ADGRL4: variants seen among roughly 807,000 people sequenced by gnomAD.
ADGRL4 encodes the protein adhesion G protein-coupled receptor L4, also known as EGF, latrophilin and seven transmembrane domain containing 1.
A neutral mutation model predicts 74.8 loss-of-function variants in ADGRL4; 90 were observed. That is an observed-to-expected ratio of 1.20 (90% CI 1.02 to 1.43). The LOEUF is 1.43. Ranked by LOEUF, ADGRL4 falls within the 40% of genes most tolerant of loss-of-function variation. The probability of loss-of-function intolerance (pLI) is 0.00; values close to 1 mark genes in which losing one functional copy is unlikely to be tolerated. For missense variants in ADGRL4, 881 were observed against 814.3 expected (o/e 1.08, Z -1.00); for synonymous variants, 311 against 279.2 (o/e 1.11, Z -1.14).
chr1:78,900,238 T>C (rs1230313256), intron 12 of ADGRL4, among the ~76,000 whole-genome samples: 1 of 152,098 alleles, frequency 6.6e-6, no homozygotes, highest in Non-Finnish European at 1.5e-5. Context: ...GGAGCTCAAT[T>C]TGGCCAACAA....
rs1048849029 is a variant in ADGRL4 at position 78,984,704 on chromosome 1, T to C, written c.172+20366A>G. On this transcript the variant is annotated intron_variant, in intron 2 of 14. Transcript: ENST00000370742. ...CTTTCTTAAAAAACACACACACACA[T>C]ATTCAATAAAGAAATTTAGCTAGTT... 3.3e-5 allele frequency among the ~76,000 whole-genome samples: 5 copies of C among 151,798 alleles called. No homozygotes were observed. In the East Asian group the frequency reaches 9.7e-4, roughly 29 times the overall value.
chr1:78,914,383 A>G lies in ADGRL4; in HGVS notation c.1749+3251T>C, dbSNP rs531560621. Among the ~76,000 whole-genome samples the G allele has an allele frequency of 5.3e-5, 8 of 151,922 alleles. No homozygotes were observed. In the East Asian group the frequency reaches 5.8e-4, roughly 11 times the overall value. On this transcript the variant is annotated intron_variant, in intron 12 of 14. Coordinates refer to ENST00000370742, the MANE Select transcript of ADGRL4 (RefSeq NM_022159.4). ...TTTCTTATATTTTCTTTGTCTTTCT[A>G]TCATGTCCAGAGCACCCAATTAACA...
intron 12 of ADGRL4, among the ~76,000 whole-genome samples, chr1:78,908,664 C>T (rs529075052): frequency 2.0e-5 from 3 of 152,046 alleles, no homozygotes; most frequent in South Asian, 4.1e-4. Flanking sequence ...TTACCAACAT[C>T]CATAGTTCTT....
chr1:78,917,803 A>T, intron 11 of ADGRL4, 27 bp downstream of exon 11: 1 of 1,603,708 alleles, frequency 6.2e-7, no homozygotes, highest in South Asian at 1.1e-5. Context: ...TCGTATTTCA[A>T]ATGCTCATGA....
At chr1:78,921,276 C>T (rs1286472307) in intron 9 of ADGRL4, among the ~76,000 whole-genome samples, 1 of 150,922 alleles carries the variant, frequency 6.6e-6, no homozygotes, top group African/African-American at 2.4e-5. Flanking sequence ...AATAAACTGT[C>T]ATCACAAAAA....
intron 2 of ADGRL4, among the ~76,000 whole-genome samples, chr1:78,991,977 C>T: frequency 6.6e-6 from 1 of 151,994 alleles, no homozygotes; most frequent in East Asian, 1.9e-4. Flanking sequence ...AACACTCATA[C>T]AGTAAATTTT....
chr1:78,978,119 T>G (rs1650324558), intron 2 of ADGRL4, among the ~76,000 whole-genome samples: 1 of 151,956 alleles, frequency 6.6e-6, no homozygotes, highest in South Asian at 2.1e-4. Context: ...TGGCATCTAA[T>G]ATAATAGGAT....
chr1:78,915,015 A>G (rs1433945733), intron 12 of ADGRL4, among the ~76,000 whole-genome samples: 1 of 151,934 alleles, frequency 6.6e-6, no homozygotes, highest in African/African-American at 2.4e-5. Context: ...TATTCTTCAA[A>G]GATGAATATC....
intron 12 of ADGRL4, among the ~76,000 whole-genome samples, chr1:78,906,665 A>G (rs1341675692): frequency 6.6e-6 from 1 of 152,080 alleles, no homozygotes; most frequent in South Asian, 2.1e-4. Flanking sequence ...TGTTGTATAT[A>G]CTTGCAATAG....
At chr1:78,966,519 A>G (rs191299891) in intron 2 of ADGRL4, among the ~76,000 whole-genome samples, 2 of 152,176 alleles carry the variant, frequency 1.3e-5, no homozygotes, top group Middle Eastern at 3.4e-3. Flanking sequence ...GAGCCTTTTC[A>G]TCCTTGGTCT....
intron 7 of ADGRL4, among the ~76,000 whole-genome samples, chr1:78,927,343 T>C (rs934436326): frequency 1.3e-5 from 2 of 152,058 alleles, no homozygotes; most frequent in East Asian, 1.9e-4. Context: ...AAACTATCTT[T>C]AGAAGAAAAA....
rs1036774325 is a variant in ADGRL4, at chr1:78,890,144, CT to C, written c.*1009del. The stretch of plus-strand genomic sequence containing the variant: ...TCTGAACAGAAAAAATAGCAATTCA[CT>C]TTATAAATACTTTCATATTTACAAT... On this transcript the variant is annotated 3_prime_UTR_variant, in exon 15 of 15. Coordinates refer to ENST00000370742, the MANE Select transcript of ADGRL4 (RefSeq NM_022159.4). The C allele has an allele frequency of 1.9e-5, 3 of 153,938 alleles. No homozygotes were observed. The highest frequency in any genetic ancestry group is 4.8e-5 in the African/African-American group (2 of 41,408). The allele number at this position is 153,938 out of a possible 1,614,324, so 9.5% of individuals were successfully genotyped here. A position where few individuals can be genotyped will look rare whatever the true frequency, so the allele number is the denominator to read the frequency against.
chr1:78,952,791 T>C (rs1446417906), intron 2 of ADGRL4, among the ~76,000 whole-genome samples: 1 of 152,208 alleles, frequency 6.6e-6, no homozygotes, highest in African/African-American at 2.4e-5. Flanking sequence ...ATTTTCAATA[T>C]CTGCATTGGG....
At chr1:78,937,607 C>T (rs941060435) in intron 6 of ADGRL4, among the ~76,000 whole-genome samples, 200 bp downstream of exon 6, 2 of 152,200 alleles carry the variant, frequency 1.3e-5, no homozygotes, top group Admixed American at 6.5e-5. Context: ...GAAGGAGACA[C>T]TTGTGGATTT....
chr1:78,904,849 C>T (rs1267434930), intron 12 of ADGRL4, among the ~76,000 whole-genome samples: 2 of 151,982 alleles, frequency 1.3e-5, no homozygotes, highest in East Asian at 3.9e-4. Flanking sequence ...ATGTAAAGTA[C>T]TCCAAAGAGT....
intron 2 of ADGRL4, among the ~76,000 whole-genome samples, chr1:78,994,960 G>T (rs771374552): frequency 6.6e-6 from 1 of 152,110 alleles, no homozygotes; most frequent in African/African-American, 2.4e-5. Flanking sequence ...GTTAAGCAAA[G>T]ATCTTTTGGA....
At chr1:78,912,435 C>G (rs774479312) in intron 12 of ADGRL4, among the ~76,000 whole-genome samples, 3 of 151,746 alleles carry the variant, frequency 2.0e-5, no homozygotes, top group Non-Finnish European at 4.4e-5. Flanking sequence ...GCCTGAGCTC[C>G]CATCCTGTCA....
Position 78,920,286 on chromosome 1 carries a change from C to A in ADGRL4, c.1358G>T (p.Ser453Ile). 6.2e-7 allele frequency: 1 copy of A among 1,611,914 alleles called. No homozygotes were observed. The highest frequency in any genetic ancestry group is 8.5e-7 in the Non-Finnish European group (1 of 1,178,658). The change falls in exon 10 of 15, where the codon AGT becomes ATT. Residue 453 changes from serine (S) to isoleucine (I), a missense_variant. Physicochemically the swap from Ser to Ile is moderately radical, Grantham distance 142 (BLOSUM62 -2). Coordinates refer to ENST00000370742, the MANE Select transcript of ADGRL4 (RefSeq NM_022159.4). ...AICIFTFWFF[S>I]EIQSTRTTIH... ...TGTTGTCCTGGTGCTTTGAATTTCA[C>A]TGAAGAACCAGAAGGTAAAAATGCA...
At chr1:78,993,357 A>G (rs1195967041) in intron 2 of ADGRL4, among the ~76,000 whole-genome samples, 1 of 152,180 alleles carries the variant, frequency 6.6e-6, no homozygotes, top group Non-Finnish European at 1.5e-5. Flanking sequence ...CACCTAAAAT[A>G]AAAAATGATT....
Sources: allele counts gnomAD v4.1 joint callset (sites outside exome capture counted in the v4.1 genomes callset), GRCh38; gene constraint gnomAD v4.1.1; transcripts MANE v1.5; gene names NCBI Gene and HGNC (gene_info 2026-07-23, HGNC 2026-07-21).